The following RBFOX2 variants were observed in gnomAD, a reference collection of about 807,000 sequenced individuals.
RBFOX2 encodes the protein RNA binding protein fox-1 homolog 2.
RBFOX2 carries 10 observed loss-of-function variants against 49.1 expected under a neutral mutation model. The ratio of observed to expected loss-of-function variants is 0.20; its 90% CI spans 0.13 to 0.35. The LOEUF is 0.35. RBFOX2 is among the 10% of genes least tolerant of loss of function. The pLI, the probability that RBFOX2 is intolerant of heterozygous loss-of-function variation, is 1.00. For synonymous variants in RBFOX2, 183 were observed against 187.4 expected (o/e 0.98, Z 0.19); for missense variants, 323 against 486.9 (o/e 0.66, Z 3.17).
intron 9 of RBFOX2, among the ~76,000 whole-genome samples, chr22:35,758,192 T>G (rs574831625): frequency 6.6e-6 from 1 of 152,276 alleles, no homozygotes; most frequent in South Asian, 2.1e-4. Flanking sequence ...ACATGGGAAA[T>G]CAGTGTTCAA....
chr22:35,806,483 C>T (rs1188978181), intron 2 of RBFOX2, among the ~76,000 whole-genome samples: 6 of 152,094 alleles, frequency 3.9e-5, no homozygotes, highest in African/African-American at 1.4e-4. Context: ...TGTGCACACA[C>T]ACAACCATTA....
chr22:35,826,937 G>A (rs1266971582), intron 1 of RBFOX2, among the ~76,000 whole-genome samples: 1 of 152,102 alleles, frequency 6.6e-6, no homozygotes, highest in Admixed American at 6.6e-5. Flanking sequence ...GGTTGATCAT[G>A]GGTAATTGAA....
At chr22:35,928,179 C>T (rs1447877769) in intron 1 of RBFOX2, among the ~76,000 whole-genome samples, 1 of 151,970 alleles carries the variant, frequency 6.6e-6, no homozygotes, top group Non-Finnish European at 1.5e-5. Flanking sequence ...ATTTAGCCTG[C>T]AACAGCAGGA....
chr22:35,894,534 C>T (rs544230391), intron 1 of RBFOX2, among the ~76,000 whole-genome samples: 5 of 152,172 alleles, frequency 3.3e-5, no homozygotes, highest in South Asian at 4.2e-4. Context: ...ACTTCACCTG[C>T]CCCACTTGCC....
At position 35,809,971 on chromosome 22, in the gene RBFOX2, T is replaced by C. The variant is rs151250267; in HGVS notation, c.61A>G (p.Met21Val). The change falls in exon 2 of 12, where the codon ATG becomes GTG. Residue 21 changes from methionine (M) to valine (V), a missense_variant. Transcript: ENST00000405409. The stretch of plus-strand genomic sequence containing the variant: ...GGGATGGTAGTAAAAGGCTGAACCA[T>C]TGCGTCAGGAGTTGTTGTCGGCTCC... The C allele has an allele frequency of 2.4e-5, 38 of 1,613,948 alleles. No homozygotes were observed. The highest frequency in any genetic ancestry group is 1.6e-4 in the Middle Eastern group (1 of 6,084).
intron 1 of RBFOX2, among the ~76,000 whole-genome samples, chr22:35,977,188 A>G (rs2057214515): frequency 6.6e-6 from 1 of 152,160 alleles, no homozygotes; most frequent in African/African-American, 2.4e-5. Flanking sequence ...ACAACGGACA[A>G]TACCAAATAG....
At chr22:35,750,485 A>C in intron 9 of RBFOX2, 3 of 1,584,210 alleles carry the variant, frequency 1.9e-6, no homozygotes, top group Non-Finnish European at 2.6e-6. Context: ...TAAAACAAAA[A>C]ATGGGGATTA....
chr22:35,895,104 C>G (rs1310167192), intron 1 of RBFOX2, among the ~76,000 whole-genome samples: 1 of 152,016 alleles, frequency 6.6e-6, no homozygotes, highest in African/African-American at 2.4e-5. Context: ...TTCTCTCTCT[C>G]TCTCTGGGAG....
intron 1 of RBFOX2, among the ~76,000 whole-genome samples, chr22:35,813,820 G>C (rs772552698): frequency 1.2e-4 from 18 of 152,228 alleles, no homozygotes; most frequent in Non-Finnish European, 2.1e-4. Flanking sequence ...AAACTGCTTT[G>C]TTGGGCTAGA....
chr22:35,805,243 T>C lies in RBFOX2; in HGVS notation c.252+4537A>G, dbSNP rs537049568. On this transcript the variant is annotated intron_variant, in intron 2 of 11. Coordinates refer to ENST00000405409, the Ensembl canonical transcript of RBFOX2. The stretch of plus-strand genomic sequence containing the variant: ...AGGCGGAGCTTGCAGTGAGCCGAGA[T>C]CGCGCCACTGCACTCCAGCCTGGGC... Among the ~76,000 whole-genome samples, 38 of 133,518 alleles carry C rather than the reference T, an allele frequency of 2.8e-4. No homozygotes were observed. In the East Asian group the frequency reaches 7.6e-3, roughly 27 times the overall value. 87.6% of individuals were successfully genotyped at this position (133,518 alleles called of 152,430 possible).
At chr22:35,854,458 A>C (rs999300677) in intron 1 of RBFOX2, among the ~76,000 whole-genome samples, 2 of 152,018 alleles carry the variant, frequency 1.3e-5, no homozygotes, top group Non-Finnish European at 2.9e-5. Context: ...ATGGTGGCAC[A>C]CAGCATGTGC....
chr22:35,948,515 G>T (rs2054567819), intron 1 of RBFOX2, among the ~76,000 whole-genome samples: 1 of 151,946 alleles, frequency 6.6e-6, no homozygotes, highest in South Asian at 2.1e-4. Flanking sequence ...GAGACCCTGG[G>T]TCTATAAGAA....
intron 2 of RBFOX2, among the ~76,000 whole-genome samples, chr22:35,804,742 A>T (rs1029885118): frequency 6.6e-6 from 1 of 151,798 alleles, no homozygotes; most frequent in Non-Finnish European, 1.5e-5. Context: ...AGCAGGCCTA[A>T]AAAAAAATAC....
intron 1 of RBFOX2, among the ~76,000 whole-genome samples, chr22:35,903,562 C>G (rs751633548): frequency 7.2e-5 from 11 of 152,156 alleles, no homozygotes; most frequent in Non-Finnish European, 1.6e-4. Flanking sequence ...GACCTCTCCC[C>G]ATGCTCCAAT....
chr22:35,770,334 C>T (rs1942304148), intron 4 of RBFOX2, among the ~76,000 whole-genome samples: 1 of 152,076 alleles, frequency 6.6e-6, no homozygotes. Flanking sequence ...TAAATTAATA[C>T]ATTGTAAATT....
intron 9 of RBFOX2, among the ~76,000 whole-genome samples, chr22:35,752,915 G>A (rs927669008): frequency 2.6e-5 from 4 of 152,254 alleles, no homozygotes; most frequent in East Asian, 1.9e-4. Flanking sequence ...ATCCTATCAC[G>A]GTAGGTCTTT....
intron 1 of RBFOX2, among the ~76,000 whole-genome samples, 167 bp downstream of exon 1, chr22:36,028,073 T>G (rs1057283583): frequency 6.6e-6 from 1 of 152,058 alleles, no homozygotes; most frequent in Non-Finnish European, 1.5e-5. Context: ...GCAACCTTCG[T>G]TCCTAGCCCG....
chr22:35,744,084 TTTG>T, exon 12 of RBFOX2: 6 of 811,812 alleles, frequency 7.4e-6, no homozygotes, highest in Non-Finnish European at 1.0e-5. Context: ...TGTGTTTTTT[TTTG>T]TTTGTTTGTT....
intron 1 of RBFOX2, chr22:35,997,391 G>C (rs530200415): frequency 7.2e-5 from 11 of 152,208 alleles, no homozygotes; most frequent in Admixed American, 1.3e-4. Context: ...CTGCCCACCT[G>C]CCATCAATAA....
Sources: gnomAD v4.1 joint callset for allele counts (sites outside exome capture counted in the v4.1 genomes callset) on GRCh38, gnomAD v4.1.1 for gene constraint, MANE v1.5 for transcripts, NCBI Gene and HGNC (gene_info 2026-07-23, HGNC 2026-07-21) for gene names.